Variants in LHFPL6 observed in about 807,000 individuals in gnomAD.
LHFPL6 encodes the protein LHFPL tetraspan subfamily member 6 protein.
LHFPL6 carries 9 observed loss-of-function variants against 20.6 expected under a neutral mutation model. The observed-to-expected ratio is 0.44, with a 90% confidence interval of 0.26 to 0.76. The LOEUF (loss-of-function observed/expected upper bound fraction) is 0.76. LHFPL6 is among the 30% of genes least tolerant of loss of function. The pLI is 0.20. For synonymous variants in LHFPL6, 105 were observed against 98.7 expected (o/e 1.06, Z -0.38); for missense variants, 218 against 253.5 (o/e 0.86, Z 0.95).
At chr13:39,420,716 G>T (rs1390153538) in intron 2 of LHFPL6, among the ~76,000 whole-genome samples, 1 of 152,158 alleles carries the variant, frequency 6.6e-6, no homozygotes, top group Non-Finnish European at 1.5e-5. Flanking sequence ...TTCCTTCCTT[G>T]TAAGAGATAC....
At chr13:39,587,151 C>G (rs1222012437) in intron 2 of LHFPL6, among the ~76,000 whole-genome samples, 2 of 71,434 alleles carry the variant, frequency 2.8e-5, no homozygotes, top group African/African-American at 8.6e-5. Flanking sequence ...GAGTGAAACT[C>G]CGTCTCAAAA....
At chr13:39,494,923 T>C (rs9603552) in intron 2 of LHFPL6, among the ~76,000 whole-genome samples, 47,319 of 152,126 alleles carry the variant, frequency 0.31, 7,826 homozygotes, top group Middle Eastern at 0.42. Flanking sequence ...ACCGATCACA[T>C]GAGCTGGCAG....
intron 3 of LHFPL6, among the ~76,000 whole-genome samples, chr13:39,358,872 G>C (rs1434537302): frequency 1.2e-4 from 19 of 152,046 alleles, no homozygotes. Context: ...AATGACTTTT[G>C]TTAAAAAGTG....
intron 2 of LHFPL6, among the ~76,000 whole-genome samples, chr13:39,539,314 T>TAA (rs201493957): frequency 0.014 from 2,001 of 146,296 alleles, 48 homozygotes; most frequent in East Asian, 0.094. Context: ...GATTTTATTT[T>TAA]AAAAAAAAAA....
At chr13:39,479,034 T>TATAGATAG (rs34879497) in intron 2 of LHFPL6, among the ~76,000 whole-genome samples, 8,360 of 143,942 alleles carry the variant, frequency 0.058, 285 homozygotes, top group Non-Finnish European at 0.068. Context: ...GGGAGATAGA[T>TATAGATAG]ATAGATAGAT....
intron 2 of LHFPL6, among the ~76,000 whole-genome samples, chr13:39,517,666 A>G (rs758797350): frequency 2.6e-5 from 4 of 152,098 alleles, no homozygotes; most frequent in African/African-American, 7.2e-5. Context: ...GACAGTTTCC[A>G]TGTACACCTT....
In LHFPL6 at chr13:39,499,003, G is replaced by A. The variant is rs1869198831; in HGVS notation, c.385+101829C>T. On this transcript the variant is annotated intron_variant, in intron 2 of 3. Transcript: ENST00000379589. ...AGCCCCCCAGGTAGCTGGGATTACA[G>A]GAGCGCACCACCACGTCCGGCTAAA... Among the ~76,000 whole-genome samples, 3 of 152,148 alleles carry A rather than the reference G, an allele frequency of 2.0e-5. No individual in the cohort carries two copies. In the South Asian group the frequency reaches 6.2e-4, roughly 32 times the overall value.
chr13:39,586,256 T>C (rs1359794514), intron 2 of LHFPL6, among the ~76,000 whole-genome samples: 2 of 151,986 alleles, frequency 1.3e-5, no homozygotes, highest in African/African-American at 4.8e-5. Context: ...AGCAGTGAAG[T>C]TCAGTGACAC....
chr13:39,584,492 T>C (rs1235051865), intron 2 of LHFPL6, among the ~76,000 whole-genome samples: 1 of 132,102 alleles, frequency 7.6e-6, no homozygotes, highest in Non-Finnish European at 1.5e-5. Context: ...GCCATTGCAC[T>C]CCAGCCTGGG....
chr13:39,449,062 A>G (rs1377998662), intron 2 of LHFPL6, among the ~76,000 whole-genome samples: 1 of 152,214 alleles, frequency 6.6e-6, no homozygotes, highest in African/African-American at 2.4e-5. Flanking sequence ...CAGCTTTAAT[A>G]GGGCAAGGGA....
chr13:39,415,253 G>T (rs528969598), intron 2 of LHFPL6, among the ~76,000 whole-genome samples: 1 of 152,158 alleles, frequency 6.6e-6, no homozygotes, highest in African/African-American at 2.4e-5. Context: ...GACACAGAAC[G>T]CAGAGTGAAA....
chr13:39,577,874 C>G (rs1213512397), intron 2 of LHFPL6, among the ~76,000 whole-genome samples: 1 of 151,956 alleles, frequency 6.6e-6, no homozygotes, highest in Middle Eastern at 3.2e-3. Context: ...CTCCTGACCT[C>G]TAGCAATCTG....
chr13:39,362,483 T>C (rs1340834445), intron 3 of LHFPL6, among the ~76,000 whole-genome samples: 1 of 152,218 alleles, frequency 6.6e-6, no homozygotes, highest in Non-Finnish European at 1.5e-5. Context: ...ACTAATACAA[T>C]GGGTGTATGT....
chr13:39,590,508 T>A (rs1025284925), intron 2 of LHFPL6, among the ~76,000 whole-genome samples: 1 of 152,216 alleles, frequency 6.6e-6, no homozygotes, highest in Non-Finnish European at 1.5e-5. Context: ...AGCAACAAGA[T>A]CAATTCTTGT....
In LHFPL6 at chr13:39,400,600, G is replaced by A. The variant is rs369775692; in HGVS notation, c.386-22074C>T. The stretch of plus-strand genomic sequence containing the variant: ...AGATCGAGACCATCCCGGCTAAAAC[G>A]GTGAAACCCCGTCTCTACTAAAAAT... On this transcript the variant is annotated intron_variant, in intron 2 of 3. Coordinates refer to ENST00000379589, the MANE Select transcript of LHFPL6 (RefSeq NM_005780.3). 3.9e-3 allele frequency among the ~76,000 whole-genome samples: 592 copies of A among 151,274 alleles called. 3 individuals carry two copies. The highest frequency in any genetic ancestry group is 0.014 in the African/African-American group (561 of 41,258).
At chr13:39,383,462 C>T (rs1168246585) in intron 2 of LHFPL6, among the ~76,000 whole-genome samples, 2 of 152,236 alleles carry the variant, frequency 1.3e-5, no homozygotes, top group African/African-American at 2.4e-5. Context: ...CTCAGTTGCA[C>T]TAGCTACATT....
At chr13:39,570,057 C>A (rs967572849) in intron 2 of LHFPL6, among the ~76,000 whole-genome samples, 1 of 152,082 alleles carries the variant, frequency 6.6e-6, no homozygotes, top group Non-Finnish European at 1.5e-5. Flanking sequence ...AAACAATGGC[C>A]TGAGGAAAAG....
At chr13:39,419,098 C>A (rs1302995791) in intron 2 of LHFPL6, among the ~76,000 whole-genome samples, 1 of 152,156 alleles carries the variant, frequency 6.6e-6, no homozygotes, top group Admixed American at 6.5e-5. Context: ...GTCTACATTT[C>A]AAATGTGGGC....
At chr13:39,486,258 T>C (rs1439011693) in intron 2 of LHFPL6, among the ~76,000 whole-genome samples, 1 of 152,220 alleles carries the variant, frequency 6.6e-6, no homozygotes, top group African/African-American at 2.4e-5. Context: ...GAGTACTTAG[T>C]GAGTCTCCAT....
Sources: allele counts gnomAD v4.1 joint callset (sites outside exome capture counted in the v4.1 genomes callset), GRCh38; gene constraint gnomAD v4.1.1; transcripts MANE v1.5; gene names NCBI Gene and HGNC (gene_info 2026-07-23, HGNC 2026-07-21).